The following THRB variants were observed in gnomAD, a reference collection of about 807,000 sequenced individuals.
THRB encodes the protein thyroid hormone receptor beta.
In THRB, 12 loss-of-function variants were observed where a neutral mutation model predicts 47.8. The observed-to-expected ratio is 0.25, with a 90% CI of 0.16 to 0.41. The LOEUF (loss-of-function observed/expected upper bound fraction) is 0.41. Among genes scored for constraint, THRB ranks in the 10% least tolerant of loss-of-function variants. THRB has a pLI of 1.00. For missense variants in THRB, 348 were observed against 589.2 expected, an observed-to-expected ratio of 0.59 and a Z score of 4.24; for synonymous variants, 218 against 212.2, an observed-to-expected ratio of 1.03 and a Z score of -0.24.
intron 3 of THRB, among the ~76,000 whole-genome samples, chr3:24,243,867 C>T (rs2049836917): frequency 1.3e-5 from 2 of 150,714 alleles, no homozygotes; most frequent in Admixed American, 6.6e-5. Flanking sequence ...AAATGGAGAA[C>T]ACCCTTGTTG....
intron 1 of THRB, among the ~76,000 whole-genome samples, chr3:24,461,485 G>T (rs544538981): frequency 6.6e-6 from 1 of 152,258 alleles, no homozygotes; most frequent in East Asian, 1.9e-4. Context: ...GAAGGCAGAG[G>T]ACTTATCTGC....
chr3:24,463,181 T>C (rs1248976768), intron 1 of THRB, among the ~76,000 whole-genome samples: 1 of 152,270 alleles, frequency 6.6e-6, no homozygotes, highest in African/African-American at 2.4e-5. Flanking sequence ...AAGATTTCTA[T>C]GTAACTTTGT....
intron 3 of THRB, among the ~76,000 whole-genome samples, chr3:24,233,715 T>C (rs1211304834): frequency 1.3e-5 from 2 of 152,192 alleles, no homozygotes; most frequent in Non-Finnish European, 1.5e-5. Flanking sequence ...AAACGTATCT[T>C]AAGGAAACAT....
chr3:24,273,146 A>ACACC (rs1003082330), intron 3 of THRB, among the ~76,000 whole-genome samples: 1 of 151,992 alleles, frequency 6.6e-6, no homozygotes, highest in African/African-American at 2.4e-5. Context: ...ACACACACAC[A>ACACC]CCCACACACA....
intron 1 of THRB, among the ~76,000 whole-genome samples, chr3:24,355,303 G>A (rs946577245): frequency 1.3e-4 from 20 of 152,072 alleles, no homozygotes; most frequent in African/African-American, 4.6e-4. Flanking sequence ...AAATACCAAG[G>A]TCAGGAAACA....
chr3:24,475,675 T>A (rs537425963), intron 1 of THRB, among the ~76,000 whole-genome samples: 1 of 152,212 alleles, frequency 6.6e-6, no homozygotes, highest in Non-Finnish European at 1.5e-5. Flanking sequence ...GTAACACTTA[T>A]GCCTAGGCGA....
chr3:24,413,634 T>C (rs1386304284), intron 1 of THRB, among the ~76,000 whole-genome samples: 2 of 151,768 alleles, frequency 1.3e-5, no homozygotes, highest in East Asian at 3.9e-4. Flanking sequence ...TTGTTACATA[T>C]GTATACATGT....
intron 1 of THRB, among the ~76,000 whole-genome samples, chr3:24,433,731 A>G (rs2070673715): frequency 6.6e-6 from 1 of 152,276 alleles, no homozygotes; most frequent in East Asian, 1.9e-4. Context: ...TTCTATTACT[A>G]TTATCATCGA....
chr3:24,474,170 G>T (rs1457055803), intron 1 of THRB, among the ~76,000 whole-genome samples: 1 of 152,102 alleles, frequency 6.6e-6, no homozygotes, highest in Non-Finnish European at 1.5e-5. Flanking sequence ...TGCCAATCAA[G>T]AAACAAACAC....
chr3:24,185,922 C>A (rs1275296440), intron 5 of THRB, among the ~76,000 whole-genome samples: 2 of 152,126 alleles, frequency 1.3e-5, no homozygotes, highest in Non-Finnish European at 2.9e-5. Context: ...CTCAGAAGGG[C>A]TCAAGTCCCA....
intron 1 of THRB, among the ~76,000 whole-genome samples, chr3:24,451,401 T>TTTTTTTTGTA (rs2072641135): frequency 6.6e-6 from 1 of 151,700 alleles, no homozygotes; most frequent in Admixed American, 6.6e-5. Context: ...GCCTAGCTAA[T>TTTTTTTTGTA]TTTTTTTGTA....
At chr3:24,452,330 C>T (rs558542588) in intron 1 of THRB, among the ~76,000 whole-genome samples, 3 of 152,178 alleles carry the variant, frequency 2.0e-5, no homozygotes, top group African/African-American at 7.2e-5. Context: ...GCCCAAGGTG[C>T]GTGCCTAACT....
At chr3:24,151,126 G>A (rs1359048444) in intron 6 of THRB, among the ~76,000 whole-genome samples, 1 of 152,134 alleles carries the variant, frequency 6.6e-6, no homozygotes, top group South Asian at 2.1e-4. Context: ...GGATAAATAA[G>A]AACATGTTAC....
At chr3:24,469,191 G>A (rs901498359) in intron 1 of THRB, among the ~76,000 whole-genome samples, 1 of 152,128 alleles carries the variant, frequency 6.6e-6, no homozygotes, top group Non-Finnish European at 1.5e-5. Flanking sequence ...ATCATAACAG[G>A]TATTCCCTGC....
intron 1 of THRB, among the ~76,000 whole-genome samples, chr3:24,422,215 C>T (rs1231666793): frequency 1.3e-5 from 2 of 151,902 alleles, no homozygotes; most frequent in African/African-American, 4.8e-5. Context: ...GTTCACAAAG[C>T]CTGTGCTATG....
chr3:24,188,820 T>A (rs533650640), intron 5 of THRB, among the ~76,000 whole-genome samples: 1 of 142,928 alleles, frequency 7.0e-6, no homozygotes, highest in South Asian at 2.2e-4. Context: ...TTTTGCTTTT[T>A]TTTCTATATA....
chr3:24,188,858 A>AATTATATATATATATATATAT (rs369706128), intron 5 of THRB, among the ~76,000 whole-genome samples: 5 of 94,342 alleles, frequency 5.3e-5, no homozygotes, highest in Admixed American at 9.9e-5. Context: ...GATCTCCTCA[A>AATTATATATATATATATATAT]ATATATATAT....
intron 4 of THRB, among the ~76,000 whole-genome samples, chr3:24,202,087 G>A (rs2044659751): frequency 1.3e-5 from 2 of 152,182 alleles, no homozygotes; most frequent in South Asian, 4.1e-4. Context: ...GATTAGCTGA[G>A]CATGCGACAC....
chr3:24,137,434 A>G (rs1399233449), intron 8 of THRB, among the ~76,000 whole-genome samples: 1 of 152,260 alleles, frequency 6.6e-6, no homozygotes, highest in African/African-American at 2.4e-5. Context: ...TCTGGAGGTG[A>G]CATGATAATA....
Sources: gnomAD v4.1 joint callset for allele counts (sites outside exome capture counted in the v4.1 genomes callset) on GRCh38, gnomAD v4.1.1 for gene constraint, MANE v1.5 for transcripts, NCBI Gene and HGNC (gene_info 2026-07-23, HGNC 2026-07-21) for gene names.